Variants in GRAMD4 observed in about 807,000 individuals in gnomAD.
GRAMD4 encodes GRAM domain-containing protein 4.
In GRAMD4, 25 loss-of-function variants were observed where a neutral mutation model predicts 83.9. The observed-to-expected ratio is 0.30, with a 90% CI of 0.22 to 0.42. GRAMD4 has a LOEUF of 0.42. Among genes scored for constraint, GRAMD4 ranks in the 10% least tolerant of loss-of-function variants. GRAMD4 has a pLI of 1.00. For missense variants in GRAMD4, 593 were observed against 788.7 expected (o/e 0.75, Z 2.97); for synonymous variants, 336 against 320.9 (o/e 1.05, Z -0.50).
intron 3 of GRAMD4, among the ~76,000 whole-genome samples, chr22:46,642,508 A>T (rs2081987553): frequency 6.6e-6 from 1 of 152,226 alleles, no homozygotes; most frequent in African/African-American, 2.4e-5. Context: ...GGCATTACAC[A>T]TTTGTTTGAT....
At chr22:46,608,312 A>G (rs1348843950) in intron 1 of GRAMD4, among the ~76,000 whole-genome samples, 1 of 152,084 alleles carries the variant, frequency 6.6e-6, no homozygotes, top group African/African-American at 2.4e-5. Flanking sequence ...CTATCAGAGC[A>G]CCCCAGCTGG....
Position 46,679,274 on chromosome 22 carries a change from A to G in GRAMD4, c.*2023A>G, listed in dbSNP as rs531418552. 2.0e-6 allele frequency: 2 copies of G among 985,456 alleles called. No homozygotes were observed. The highest frequency in any genetic ancestry group is 1.1e-4 in the East Asian group (1 of 8,814). 61.0% of individuals were successfully genotyped at this position (985,456 alleles called of 1,614,324 possible). A position where few individuals can be genotyped will look rare whatever the true frequency, so the allele number is the denominator to read the frequency against. On this transcript the variant is annotated 3_prime_UTR_variant, in exon 19 of 19. Transcript: ENST00000406902. ...TCCCTGGGGCAGATGGGGCTTTACC[A>G]GCGTCGGGTGGTTTAGTTCGAGTCC...
intron 14 of GRAMD4, 78 bp from the exon 15 acceptor site, chr22:46,673,592 G>C: frequency 6.6e-7 from 1 of 1,515,660 alleles, no homozygotes; most frequent in South Asian, 1.2e-5. Flanking sequence ...TTTTGGGGAG[G>C]TGTGTGTGCG....
intron 1 of GRAMD4, among the ~76,000 whole-genome samples, chr22:46,589,131 TCCAGGGAGGA>T (rs1569246737): frequency 6.6e-6 from 1 of 151,890 alleles, no homozygotes; most frequent in African/African-American, 2.4e-5. Flanking sequence ...CTGCTGGTGC[TCCAGGGAGGA>T]CCTTTTCAGA....
At chr22:46,607,354 A>G (rs1256957520) in intron 1 of GRAMD4, among the ~76,000 whole-genome samples, 1 of 152,196 alleles carries the variant, frequency 6.6e-6, no homozygotes, top group Non-Finnish European at 1.5e-5. Flanking sequence ...TAAAAAAAGG[A>G]GGGGTCATAA....
chr22:46,679,806 C>T, downstream of GRAMD4: 7 of 984,142 alleles, frequency 7.1e-6, no homozygotes, highest in South Asian at 4.7e-5. Flanking sequence ...TGTCTGCCTC[C>T]TTGGCAGGGC....
chr22:46,645,973 G>C (rs1325275786), intron 3 of GRAMD4, among the ~76,000 whole-genome samples: 2 of 152,210 alleles, frequency 1.3e-5, no homozygotes, highest in Non-Finnish European at 2.9e-5. Flanking sequence ...AGAGCACTGT[G>C]ATGTAGAATT....
intron 1 of GRAMD4, among the ~76,000 whole-genome samples, chr22:46,602,405 C>T (rs1156424521): frequency 6.6e-6 from 1 of 152,162 alleles, no homozygotes; most frequent in Non-Finnish European, 1.5e-5. Flanking sequence ...CGGCTGGGCA[C>T]AGTGACTGAT....
At chr22:46,615,578 TGTGCGTGTAGGTTCCCCC>T (rs1569261728), upstream of GRAMD4, among the ~76,000 whole-genome samples, 1 of 112,608 alleles carries the variant, frequency 8.9e-6, no homozygotes, top group Non-Finnish European at 1.8e-5. Context: ...TAGGTTCCCC[TGTGCGTGTAGGTTCCCCC>T]GTGTGTAGGT....
intron 1 of GRAMD4, among the ~76,000 whole-genome samples, chr22:46,601,147 GA>G (rs944064184): frequency 4.1e-5 from 6 of 147,804 alleles, no homozygotes; most frequent in East Asian, 4.0e-4. Context: ...CTGTCTCAAA[GA>G]AAAAAAAAAT....
intron 1 of GRAMD4, among the ~76,000 whole-genome samples, chr22:46,600,473 G>A (rs912806960): frequency 2.0e-5 from 3 of 152,204 alleles, no homozygotes; most frequent in Admixed American, 2.0e-4. Context: ...TTCCCGTGAT[G>A]AGGCAGAGCA....
chr22:46,595,807 A>C (rs1285838232), intron 1 of GRAMD4, among the ~76,000 whole-genome samples: 1 of 152,264 alleles, frequency 6.6e-6, no homozygotes, highest in Non-Finnish European at 1.5e-5. Context: ...CCCATCTGAC[A>C]GGTGCCAGGG....
chr22:46,576,922 G>A (rs1003931561), upstream of GRAMD4, among the ~76,000 whole-genome samples: 4 of 145,866 alleles, frequency 2.7e-5, no homozygotes, highest in Admixed American at 6.8e-5. Context: ...AGGCCGCGCC[G>A]CGTGACCGAG....
rs896175122 is a variant in GRAMD4, at chr22:46,678,766, G to A, written c.*1515G>A. On this transcript the variant is annotated 3_prime_UTR_variant, in exon 19 of 19. Transcript: ENST00000406902. Reference sequence around the variant, plus strand: ...TGCTGGTGTGGGTGAGGGATCCGGCGGCATGGGCTGGTTTCACCCCCTTCA... The same window carrying A: ...TGCTGGTGTGGGTGAGGGATCCGGCAGCATGGGCTGGTTTCACCCCCTTCA... 3.0e-6 allele frequency: 3 copies of A among 985,856 alleles called. No individual in the cohort carries two copies. The highest frequency in any genetic ancestry group is 3.6e-6 in the Non-Finnish European group (3 of 829,996). The allele number at this position is 985,856 out of a possible 1,614,324, so 61.1% of individuals were successfully genotyped here. A position where few individuals can be genotyped will look rare whatever the true frequency, so the allele number is the denominator to read the frequency against.
At chr22:46,592,840 T>G (rs376950434) in intron 1 of GRAMD4, among the ~76,000 whole-genome samples, 7 of 152,344 alleles carry the variant, frequency 4.6e-5, no homozygotes, top group East Asian at 3.9e-4. Context: ...ATGACTCTGC[T>G]GCACTGAGTT....
At position 46,663,539 on chromosome 22, in the gene GRAMD4, G is replaced by A. The variant is rs375932180; in HGVS notation, c.600-299G>A. On this transcript the variant is annotated intron_variant, in intron 6 of 18. Coordinates refer to ENST00000406902, the MANE Select transcript of GRAMD4 (RefSeq NM_015124.5). The stretch of plus-strand genomic sequence containing the variant: ...GGCCCTGGGGGTCCCGAGGGAGCTA[G>A]GTCAGCAAAGGCCCTGCCCTTGAGG... Among the ~76,000 whole-genome samples the A allele has an allele frequency of 1.4e-4, 22 of 152,302 alleles. 1 individual carries two copies. In the South Asian group the frequency reaches 4.6e-3, roughly 32 times the overall value.
chr22:46,619,176 A>AT (rs1028018597), upstream of GRAMD4, among the ~76,000 whole-genome samples: 19 of 152,172 alleles, frequency 1.2e-4, no homozygotes, highest in Admixed American at 2.6e-4. Context: ...TGTTGGAACA[A>AT]TAGTGGCCAA....
At chr22:46,662,636 A>C (rs11705373) in intron 5 of GRAMD4, among the ~76,000 whole-genome samples, 13,665 of 152,122 alleles carry the variant, frequency 0.09, 807 homozygotes, top group South Asian at 0.16. Flanking sequence ...TGACCTCTCC[A>C]TCTGCTTTCT....
chr22:46,674,619 C>A, intron 15 of GRAMD4, 38 bp from the exon 16 acceptor site: 1 of 1,379,658 alleles, frequency 7.2e-7, no homozygotes, highest in Non-Finnish European at 1.0e-6. Context: ...CTGGGTACTT[C>A]CAGTGGAAAG....
Sources: allele counts gnomAD v4.1 joint callset (sites outside exome capture counted in the v4.1 genomes callset), GRCh38; gene constraint gnomAD v4.1.1; transcripts MANE v1.5; gene names NCBI Gene and HGNC (gene_info 2026-07-23, HGNC 2026-07-21).